The following LRP1B variants were observed in gnomAD, a reference collection of about 807,000 sequenced individuals.
LRP1B encodes LDL receptor related protein 1B.
LRP1B carries 217 observed loss-of-function variants against 556.6 expected under a neutral mutation model. The ratio of observed to expected loss-of-function variants is 0.39; its 90% CI spans 0.35 to 0.44. LRP1B has a LOEUF of 0.44. Ranked by LOEUF, LRP1B falls within the 20% of genes least tolerant of loss-of-function variation. The pLI is 1.00. For missense variants in LRP1B, 5,053 were observed against 5,620.8 expected, an observed-to-expected ratio of 0.90 and a Z score of 3.23; for synonymous variants, 2,047 against 1,865.8, an observed-to-expected ratio of 1.10 and a Z score of -2.50.
chr2:140,772,839 C>T (rs13427408), intron 33 of LRP1B, among the ~76,000 whole-genome samples: 3 of 152,068 alleles, frequency 2.0e-5, no homozygotes, highest in Admixed American at 1.3e-4. Context: ...AGGCACAGTG[C>T]TCATACCTGT....
At chr2:140,253,405 T>G (rs562513470) in intron 86 of LRP1B, among the ~76,000 whole-genome samples, 134 of 151,852 alleles carry the variant, frequency 8.8e-4, no homozygotes, top group African/African-American at 3.2e-3. Context: ...ATGAAAGAAA[T>G]AAAATTAATA....
At chr2:140,642,594 C>T (rs1223279591) in intron 41 of LRP1B, among the ~76,000 whole-genome samples, 1 of 152,134 alleles carries the variant, frequency 6.6e-6, no homozygotes, top group African/African-American at 2.4e-5. Context: ...GTAATCCCAG[C>T]ACTTTGGGAA....
At position 141,633,404 on chromosome 2, in the gene LRP1B, A is replaced by T. The variant is rs147982392; in HGVS notation, c.206-152871T>A. On this transcript the variant is annotated intron_variant, in intron 2 of 90. Transcript: ENST00000389484. ...CTTGAGACAGAGATTTTACTTTCAA[A>T]TCATTATTACAGCAGACTTGCTTGG... 9.2e-5 allele frequency among the ~76,000 whole-genome samples: 14 copies of T among 152,262 alleles called. No homozygotes were observed. In the East Asian group the frequency reaches 2.7e-3, roughly 29 times the overall value.
intron 16 of LRP1B, 70 bp from the exon 17 acceptor site, chr2:140,989,727 T>A (rs2105353324): frequency 6.7e-7 from 1 of 1,490,578 alleles, no homozygotes; most frequent in Non-Finnish European, 9.3e-7. Context: ...TGAATGATAG[T>A]TACAGAAAAG....
Position 142,130,822 on chromosome 2 carries a change from T to C in LRP1B, c.-93A>G, listed in dbSNP as rs966185570. 3 of 953,414 alleles carry C rather than the reference T, an allele frequency of 3.1e-6. No individual in the cohort carries two copies. In the Admixed American group the frequency reaches 5.9e-5, roughly 19 times the overall value. 59.1% of individuals were successfully genotyped at this position (953,414 alleles called of 1,614,324 possible). ...GCGGCGGCAGGGGCCGCTTGGAGCCTGGAATCGAGCGGCGTCATTTACAAA... is the reference window on the plus strand; with the variant it reads ...GCGGCGGCAGGGGCCGCTTGGAGCCCGGAATCGAGCGGCGTCATTTACAAA... On this transcript the variant is annotated 5_prime_UTR_variant, in exon 1 of 91. Transcript: ENST00000389484.
At chr2:140,559,369 A>G (rs1558967618) in intron 43 of LRP1B, among the ~76,000 whole-genome samples, 1 of 152,194 alleles carries the variant, frequency 6.6e-6, no homozygotes, top group Non-Finnish European at 1.5e-5. Flanking sequence ...TATGTAGAAT[A>G]TATTAAAAGT....
intron 6 of LRP1B, among the ~76,000 whole-genome samples, chr2:141,202,491 C>T (rs1682075495): frequency 6.6e-6 from 1 of 152,288 alleles, no homozygotes; most frequent in South Asian, 2.1e-4. Context: ...GGAATTGCCA[C>T]ATTGCTTTCC....
At chr2:141,982,461 T>G (rs977338662) in intron 1 of LRP1B, among the ~76,000 whole-genome samples, 1 of 152,140 alleles carries the variant, frequency 6.6e-6, no homozygotes, top group East Asian at 1.9e-4. Context: ...TTAGAGTGAC[T>G]TCAGATGATA....
intron 3 of LRP1B, among the ~76,000 whole-genome samples, chr2:141,455,158 C>T (rs918212229): frequency 6.6e-6 from 1 of 151,418 alleles, no homozygotes; most frequent in African/African-American, 2.4e-5. Flanking sequence ...TAAATGTAGG[C>T]CTGGTCAAAA....
chr2:141,784,427 G>C (rs747189090), intron 2 of LRP1B, among the ~76,000 whole-genome samples: 1 of 151,806 alleles, frequency 6.6e-6, no homozygotes, highest in African/African-American at 2.4e-5. Context: ...TATAGGTCTC[G>C]GCTCTACAAC....
intron 3 of LRP1B, among the ~76,000 whole-genome samples, chr2:141,345,132 A>G (rs924137127): frequency 1.3e-5 from 2 of 151,718 alleles, no homozygotes; most frequent in Admixed American, 6.6e-5. Context: ...GGAAGAGGCC[A>G]TAGTTAAGGA....
chr2:141,686,111 G>A (rs147461582), intron 2 of LRP1B, among the ~76,000 whole-genome samples: 157 of 151,984 alleles, frequency 1.0e-3, no homozygotes, highest in African/African-American at 3.7e-3. Context: ...TGTCATTTGA[G>A]GAATTTTTCA....
intron 7 of LRP1B, among the ~76,000 whole-genome samples, chr2:141,084,871 G>C (rs937249486): frequency 1.3e-5 from 2 of 151,934 alleles, no homozygotes; most frequent in Admixed American, 6.5e-5. Context: ...GGATGGTCTC[G>C]ATCTCCTGAC....
intron 2 of LRP1B, among the ~76,000 whole-genome samples, chr2:141,711,599 C>G (rs183640781): frequency 2.6e-5 from 4 of 152,180 alleles, no homozygotes; most frequent in Non-Finnish European, 5.9e-5. Flanking sequence ...TCTTGCATTT[C>G]TAGCAATACC....
intron 1 of LRP1B, among the ~76,000 whole-genome samples, chr2:141,963,148 G>A (rs569096177): frequency 3.9e-5 from 6 of 151,926 alleles, no homozygotes; most frequent in Non-Finnish European, 7.4e-5. Context: ...TGCTAAATAT[G>A]TTCTAAGCAT....
chr2:141,343,061 G>A (rs1688128839), intron 3 of LRP1B, among the ~76,000 whole-genome samples: 1 of 152,138 alleles, frequency 6.6e-6, no homozygotes, highest in Non-Finnish European at 1.5e-5. Context: ...GAGAGTGGGG[G>A]CCAATATTCA....
chr2:140,358,086 T>C lies in LRP1B; in HGVS notation c.11288A>G (p.Lys3763Arg), dbSNP rs572593531. 6.2e-7 allele frequency: 1 copy of C among 1,611,274 alleles called. No homozygotes were observed. The highest frequency in any genetic ancestry group is 8.5e-7 in the Non-Finnish European group (1 of 1,178,194). ...ATTACTACAAGCAAACTCATCCTTT[T>C]TACAAGGCCTTGCTTTATATGTCAG... Reference protein sequence around the residue: ...GKLTYKARPCKKDEFACSNKK... With the variant: ...GKLTYKARPCRKDEFACSNKK... Residue 3763 changes from lysine to arginine, a missense_variant, in exon 74 of 91, where the codon AAA (lysine) becomes AGA (arginine). Lys to Arg is a conservative substitution (Grantham distance 26). Around this residue, in one of 5 missense-constraint regions of LRP1B, gnomAD observed 599 missense variants for 648.4 expected, o/e 0.92. Transcript: ENST00000389484.
intron 41 of LRP1B, among the ~76,000 whole-genome samples, chr2:140,632,040 T>C (rs1683905693): frequency 6.6e-6 from 1 of 152,156 alleles, no homozygotes; most frequent in Non-Finnish European, 1.5e-5. Flanking sequence ...CAATTTAGAA[T>C]TCTGTATACA....
At chr2:140,491,004 TG>T (rs934949669) in intron 57 of LRP1B, among the ~76,000 whole-genome samples, 1 of 152,060 alleles carries the variant, frequency 6.6e-6, no homozygotes, top group African/African-American at 2.4e-5. Flanking sequence ...TATCTTAAAA[TG>T]TTTTTTTAAA....
Sources: allele counts gnomAD v4.1 joint callset (sites outside exome capture counted in the v4.1 genomes callset), GRCh38; gene constraint gnomAD v4.1.1; regional missense constraint gnomAD v4.1.1; transcripts MANE v1.5; gene names NCBI Gene and HGNC (gene_info 2026-07-23, HGNC 2026-07-21).